WWOX: variants seen among roughly 807,000 people sequenced by gnomAD.
WWOX encodes the protein WW domain containing oxidoreductase.
A neutral mutation model predicts 46.2 loss-of-function variants in WWOX; 69 were observed. That is an observed-to-expected ratio of 1.49 (90% CI 1.23 to 1.82). WWOX has a LOEUF of 1.82. Ranked by LOEUF, WWOX falls within the 40% of genes most tolerant of loss-of-function variation. WWOX has a pLI of 0.00. For synonymous variants in WWOX, 359 were observed against 202.6 expected, an observed-to-expected ratio of 1.77 and a Z score of -6.56; for missense variants, 919 against 542.6, an observed-to-expected ratio of 1.69 and a Z score of -6.89.
intron 8 of WWOX, among the ~76,000 whole-genome samples, chr16:78,970,892 G>T (rs760240984): frequency 4.6e-5 from 7 of 152,014 alleles, no homozygotes; most frequent in Admixed American, 2.6e-4. Flanking sequence ...ATAATCAGAT[G>T]ATTTGTTTGC....
chr16:78,990,632 A>C (rs138131851), intron 8 of WWOX, among the ~76,000 whole-genome samples: 8 of 152,322 alleles, frequency 5.3e-5, no homozygotes, highest in Admixed American at 5.2e-4. Context: ...CCAGAATGTG[A>C]TAAAGTAAAA....
At chr16:78,834,820 T>A (rs1248402190) in intron 8 of WWOX, among the ~76,000 whole-genome samples, 1 of 152,194 alleles carries the variant, frequency 6.6e-6, no homozygotes, top group Non-Finnish European at 1.5e-5. Flanking sequence ...AATTATGCAA[T>A]ATATAAATAT....
At chr16:78,124,719 C>G (rs571687569) in intron 4 of WWOX, among the ~76,000 whole-genome samples, 14 of 152,174 alleles carry the variant, frequency 9.2e-5, no homozygotes, top group Non-Finnish European at 1.9e-4. Context: ...AGGTTTAAAT[C>G]TAATTGTTTT....
rs148462429 is a variant in WWOX at position 78,308,936 on chromosome 16, G to A, written c.517-77924G>A. Among the ~76,000 whole-genome samples, 3 of 152,154 alleles carry A rather than the reference G, an allele frequency of 2.0e-5. 1 individual carries two copies. Among genetic ancestry groups the A allele is most frequent in the South Asian group, 2.1e-4 (1 of 4,812 alleles). Reference sequence around the variant, plus strand: ...TCAGACAGTCCTATCTGTTGATCTCGGGTGTTTAGCTAATAACTCCTTTAA... The same window carrying A: ...TCAGACAGTCCTATCTGTTGATCTCAGGTGTTTAGCTAATAACTCCTTTAA... On this transcript the variant is annotated intron_variant, in intron 5 of 8. Coordinates refer to ENST00000566780, the MANE Select transcript of WWOX (RefSeq NM_016373.4).
chr16:78,681,812 A>G (rs2047736739), intron 8 of WWOX, among the ~76,000 whole-genome samples: 1 of 152,158 alleles, frequency 6.6e-6, no homozygotes, highest in African/African-American at 2.4e-5. Context: ...TTACTCTCTA[A>G]GTCAGGGCTT....
intron 8 of WWOX, among the ~76,000 whole-genome samples, chr16:78,504,530 T>G (rs2085145414): frequency 6.6e-6 from 1 of 152,230 alleles, no homozygotes; most frequent in Non-Finnish European, 1.5e-5. Flanking sequence ...TACATTGCTA[T>G]TTTGTTATGT....
chr16:78,597,312 A>G (rs763859551), intron 8 of WWOX, among the ~76,000 whole-genome samples: 1 of 152,168 alleles, frequency 6.6e-6, no homozygotes, highest in Non-Finnish European at 1.5e-5. Flanking sequence ...ATTAGCACCT[A>G]CTGTGTGCCG....
intron 8 of WWOX, among the ~76,000 whole-genome samples, chr16:78,826,305 C>T (rs1468372629): frequency 6.6e-6 from 1 of 152,226 alleles, no homozygotes; most frequent in Non-Finnish European, 1.5e-5. Context: ...AAGATCGTGC[C>T]ATTGCACTCC....
At chr16:78,538,783 C>G (rs575742146) in intron 8 of WWOX, among the ~76,000 whole-genome samples, 2 of 152,156 alleles carry the variant, frequency 1.3e-5, no homozygotes, top group African/African-American at 4.8e-5. Context: ...TTTCTGCTAC[C>G]TTCCTAAAAC....
intron 8 of WWOX, among the ~76,000 whole-genome samples, chr16:79,075,962 A>C (rs746755965): frequency 1.1e-4 from 16 of 152,332 alleles, no homozygotes; most frequent in South Asian, 2.1e-4. Flanking sequence ...TCATGTGTGG[A>C]GTCCCCAGTT....
chr16:78,129,250 C>T (rs1437539298), intron 4 of WWOX, among the ~76,000 whole-genome samples: 6 of 151,844 alleles, frequency 4.0e-5, no homozygotes, highest in African/African-American at 9.7e-5. Context: ...ATCATCGCGA[C>T]GCTGTTAGTG....
intron 8 of WWOX, among the ~76,000 whole-genome samples, chr16:79,159,124 G>A (rs754533319): frequency 1.3e-5 from 2 of 152,106 alleles, no homozygotes; most frequent in African/African-American, 2.4e-5. Flanking sequence ...ATTTCTCTAA[G>A]TAAATATGCC....
chr16:78,536,575 G>C (rs1026481226), intron 8 of WWOX, among the ~76,000 whole-genome samples: 4 of 152,106 alleles, frequency 2.6e-5, no homozygotes, highest in African/African-American at 9.7e-5. Context: ...GTATATGGTA[G>C]CCAAGGACAG....
chr16:78,703,630 T>C (rs865832418), intron 8 of WWOX, among the ~76,000 whole-genome samples: 1 of 151,996 alleles, frequency 6.6e-6, no homozygotes. Flanking sequence ...TTTTTGTTTT[T>C]TTTTGTTTGT....
At chr16:78,394,891 C>G (rs76071719) in intron 6 of WWOX, among the ~76,000 whole-genome samples, 1 of 152,188 alleles carries the variant, frequency 6.6e-6, no homozygotes, top group South Asian at 2.1e-4. Flanking sequence ...GCTTCCAGCT[C>G]TACCACTTAC....
At chr16:78,851,403 G>A (rs1276767811) in intron 8 of WWOX, among the ~76,000 whole-genome samples, 2 of 152,180 alleles carry the variant, frequency 1.3e-5, no homozygotes, top group East Asian at 1.9e-4. Context: ...GCAGAAGTAC[G>A]GGTACTGAGC....
chr16:78,413,392 T>C (rs937649123), intron 6 of WWOX, among the ~76,000 whole-genome samples: 3 of 152,086 alleles, frequency 2.0e-5, no homozygotes, highest in African/African-American at 7.2e-5. Flanking sequence ...GGTGATGGGA[T>C]TGTCATTAGT....
chr16:78,750,934 G>C (rs1008085979), intron 8 of WWOX, among the ~76,000 whole-genome samples: 1 of 152,064 alleles, frequency 6.6e-6, no homozygotes, highest in African/African-American at 2.4e-5. Context: ...TTGCTGTTGT[G>C]GGTAGTGCTG....
intron 8 of WWOX, among the ~76,000 whole-genome samples, chr16:78,884,994 C>G (rs2044423648): frequency 6.6e-6 from 1 of 152,296 alleles, no homozygotes; most frequent in African/African-American, 2.4e-5. Context: ...CCATCTAGCC[C>G]TCAGCTGTGT....
Sources: gnomAD v4.1 joint callset for allele counts (sites outside exome capture counted in the v4.1 genomes callset) on GRCh38, gnomAD v4.1.1 for gene constraint, MANE v1.5 for transcripts, NCBI Gene and HGNC (gene_info 2026-07-23, HGNC 2026-07-21) for gene names.